The following RIN3 variants were observed in gnomAD, a reference collection of about 807,000 sequenced individuals.
RIN3 encodes the protein Ras and Rab interactor 3, also known as RAB5 interacting protein 3.
RIN3 carries 54 observed loss-of-function variants against 76.3 expected under a neutral mutation model. The ratio of observed to expected loss-of-function variants is 0.71; its 90% CI spans 0.57 to 0.89. The LOEUF (loss-of-function observed/expected upper bound fraction) is 0.89. Ranked by LOEUF, RIN3 falls within the 40% of genes least tolerant of loss-of-function variation. The pLI is 0.00. For missense variants in RIN3, 1,256 were observed against 1,322.1 expected, an observed-to-expected ratio of 0.95 and a Z score of 0.78; for synonymous variants, 576 against 564.0, an observed-to-expected ratio of 1.02 and a Z score of -0.30.
intron 5 of RIN3, among the ~76,000 whole-genome samples, chr14:92,641,731 T>G (rs1162509427): frequency 6.6e-6 from 1 of 152,128 alleles, no homozygotes; most frequent in East Asian, 1.9e-4. Context: ...TGAACTTGAG[T>G]GTGGCCCTTG....
intron 1 of RIN3, among the ~76,000 whole-genome samples, chr14:92,540,574 G>A (rs1260930299): frequency 1.3e-5 from 2 of 152,180 alleles, no homozygotes; most frequent in Non-Finnish European, 1.5e-5. Context: ...CCATCCCCAC[G>A]GGACCTCCAT....
At chr14:92,515,148 C>G (rs1178522471) in intron 1 of RIN3, 4 of 676,446 alleles carry the variant, frequency 5.9e-6, no homozygotes, top group Admixed American at 4.2e-5. Context: ...CCCTTCTTCT[C>G]CCTCCATCCT....
At chr14:92,631,079 G>T (rs2140120129) in intron 4 of RIN3, among the ~76,000 whole-genome samples, 1 of 152,328 alleles carries the variant, frequency 6.6e-6, no homozygotes, top group East Asian at 1.9e-4. Flanking sequence ...GGCACAGAGG[G>T]GTGTTACAGT....
At chr14:92,526,276 C>T (rs1230460873) in intron 1 of RIN3, among the ~76,000 whole-genome samples, 12 of 151,800 alleles carry the variant, frequency 7.9e-5, no homozygotes, top group African/African-American at 1.2e-4. Flanking sequence ...GGCAACATGG[C>T]GAAACCCCGT....
intron 6 of RIN3, among the ~76,000 whole-genome samples, chr14:92,655,189 A>C (rs1199225571): frequency 6.7e-6 from 1 of 149,800 alleles, no homozygotes; most frequent in African/African-American, 2.5e-5. Flanking sequence ...TAAAAAAAAA[A>C]ATAGAAAAAT....
At chr14:92,562,199 G>T (rs1897795401) in intron 2 of RIN3, among the ~76,000 whole-genome samples, 1 of 152,192 alleles carries the variant, frequency 6.6e-6, no homozygotes, top group African/African-American at 2.4e-5. Context: ...TAGGGGTTTG[G>T]GGAGGAAGAC....
chr14:92,545,025 A>C (rs1470355368), intron 1 of RIN3, among the ~76,000 whole-genome samples: 2 of 149,308 alleles, frequency 1.3e-5, no homozygotes, highest in Admixed American at 6.6e-5. Flanking sequence ...TTCCTTCCGT[A>C]ATTTGCTTAT....
intron 7 of RIN3, among the ~76,000 whole-genome samples, chr14:92,674,673 G>T (rs1888399240): frequency 6.6e-6 from 1 of 151,846 alleles, no homozygotes; most frequent in African/African-American, 2.4e-5. Context: ...CGGATCACTT[G>T]AGGTCAGGAG....
chr14:92,617,818 C>G (rs111555087), intron 4 of RIN3, among the ~76,000 whole-genome samples: 5 of 152,316 alleles, frequency 3.3e-5, no homozygotes, highest in African/African-American at 1.2e-4. Flanking sequence ...CTTTGTTCAG[C>G]CAATTCTATC....
In RIN3 at chr14:92,513,985, G is replaced by T; in HGVS notation, c.44+9G>T. The T allele has an allele frequency of 8.1e-7, 1 of 1,235,614 alleles. No individual in the cohort carries two copies. The highest frequency in any genetic ancestry group is 1.0e-6 in the Non-Finnish European group (1 of 989,176). 76.5% of individuals were successfully genotyped at this position (1,235,614 alleles called of 1,614,324 possible). A position where few individuals can be genotyped will look rare whatever the true frequency, so the allele number is the denominator to read the frequency against. On this transcript the variant is annotated intron_variant, in intron 1 of 9. Coordinates refer to ENST00000216487, the MANE Select transcript of RIN3 (RefSeq NM_024832.5). ...CGCGGGGACCCCACGGGGTAAGTCC[G>T]GGCGGCCGCCCCCTCCTCCCTCGCG...
At chr14:92,546,139 G>A (rs1321854920) in intron 1 of RIN3, among the ~76,000 whole-genome samples, 1 of 152,028 alleles carries the variant, frequency 6.6e-6, no homozygotes, top group Non-Finnish European at 1.5e-5. Context: ...TGGCCAGGCT[G>A]GTCTTGAACT....
At chr14:92,624,473 G>A (rs183431706) in intron 4 of RIN3, among the ~76,000 whole-genome samples, 2 of 152,286 alleles carry the variant, frequency 1.3e-5, no homozygotes, top group Admixed American at 1.3e-4. Flanking sequence ...ATGGATATAG[G>A]GCTTTAGAAC....
At chr14:92,564,399 T>C (rs1321748400) in intron 2 of RIN3, among the ~76,000 whole-genome samples, 1 of 152,094 alleles carries the variant, frequency 6.6e-6, no homozygotes, top group African/African-American at 2.4e-5. Context: ...TGCGTTAATT[T>C]ACCATGAAAC....
At chr14:92,665,336 G>C (rs1408158617) in intron 7 of RIN3, among the ~76,000 whole-genome samples, 1 of 148,392 alleles carries the variant, frequency 6.7e-6, no homozygotes, top group Non-Finnish European at 1.5e-5. Flanking sequence ...AGTTCATTAT[G>C]CGTTGCGTGA....
chr14:92,557,617 C>T (rs2140037103), intron 2 of RIN3, among the ~76,000 whole-genome samples: 1 of 152,366 alleles, frequency 6.6e-6, no homozygotes, highest in East Asian at 1.9e-4. Flanking sequence ...AAGTCCTGAC[C>T]TCCTCTTGCT....
In RIN3 at chr14:92,688,502, C is replaced by T; in HGVS notation, c.*250C>T. The T allele has an allele frequency of 1.8e-6, 1 of 542,220 alleles. No homozygotes were observed. Among genetic ancestry groups the T allele is most frequent in the Non-Finnish European group, 3.3e-6 (1 of 307,358 alleles). The allele number at this position is 542,220 out of a possible 1,614,324, so 33.6% of individuals were successfully genotyped here. ...CATTAGACGGAAAGGGAAACTGAGGCTCAGGAGAGAGGCGCTCCAGGCCGC... is the reference window on the plus strand; with the variant it reads ...CATTAGACGGAAAGGGAAACTGAGGTTCAGGAGAGAGGCGCTCCAGGCCGC... On this transcript the variant is annotated 3_prime_UTR_variant, in exon 10 of 10. Coordinates refer to ENST00000216487, the MANE Select transcript of RIN3 (RefSeq NM_024832.5).
intron 7 of RIN3, among the ~76,000 whole-genome samples, chr14:92,673,632 A>C (rs1888363186): frequency 6.6e-6 from 1 of 152,062 alleles, no homozygotes; most frequent in African/African-American, 2.4e-5. Context: ...AAGCCTCCCA[A>C]GTAGCTGGGA....
intron 3 of RIN3, among the ~76,000 whole-genome samples, chr14:92,580,752 A>G (rs1426815484): frequency 6.6e-6 from 1 of 152,190 alleles, no homozygotes; most frequent in African/African-American, 2.4e-5. Flanking sequence ...AGGGGGAAAG[A>G]GCATGGAGAA....
intron 7 of RIN3, among the ~76,000 whole-genome samples, chr14:92,667,980 G>C (rs1174985768): frequency 6.6e-6 from 1 of 152,158 alleles, no homozygotes; most frequent in East Asian, 1.9e-4. Context: ...GGCCCCCTAA[G>C]ATGTCATGTT....
Sources: allele counts gnomAD v4.1 joint callset (sites outside exome capture counted in the v4.1 genomes callset), GRCh38; gene constraint gnomAD v4.1.1; transcripts MANE v1.5; gene names NCBI Gene and HGNC (gene_info 2026-07-23, HGNC 2026-07-21).